Variants in SKIC3 observed in about 807,000 individuals in gnomAD.
SKIC3 encodes superkiller complex protein 3.
the SKIC3 span, among the ~76,000 whole-genome samples, chr5:95,528,417 A>C: frequency 6.6e-6 from 1 of 152,210 alleles, no homozygotes; most frequent in African/African-American, 2.4e-5. Flanking sequence ...AAAAACGACA[A>C]TGGCTATCTA....
At chr5:95,525,706 C>G in the SKIC3 span, 1 of 1,588,718 alleles carries the variant, frequency 6.3e-7, no homozygotes. Flanking sequence ...TGCTATAAAT[C>G]TCCTTCAACA....
chr5:95,540,917 A>G, the SKIC3 span: 1 of 1,291,620 alleles, frequency 7.7e-7, no homozygotes, highest in Non-Finnish European at 1.1e-6. Flanking sequence ...AAACATTTTT[A>G]ATTTGTTAAT....
chr5:95,469,765 G>T, the SKIC3 span: 1 of 1,613,750 alleles, frequency 6.2e-7, no homozygotes, highest in South Asian at 1.1e-5. Context: ...AGAAAAAGAT[G>T]AAGATTCTTC....
At chr5:95,542,070 T>C in the SKIC3 span, among the ~76,000 whole-genome samples, 1 of 152,174 alleles carries the variant, frequency 6.6e-6, no homozygotes, top group Non-Finnish European at 1.5e-5. Context: ...CCTCTAAATA[T>C]AATAGCTGGG....
At chr5:95,467,806 G>A in the SKIC3 span, 2 of 1,604,378 alleles carry the variant, frequency 1.2e-6, no homozygotes, top group Non-Finnish European at 1.7e-6. Context: ...TTAGATCAAA[G>A]ATAAAACATT....
the SKIC3 span, among the ~76,000 whole-genome samples, chr5:95,518,298 ATTTC>A: frequency 6.6e-6 from 1 of 152,024 alleles, no homozygotes; most frequent in Non-Finnish European, 1.5e-5. Context: ...AACATTTATA[ATTTC>A]TTTGTGTTAG....
chr5:95,503,296 G>C, the SKIC3 span, among the ~76,000 whole-genome samples: 1 of 152,180 alleles, frequency 6.6e-6, no homozygotes. Flanking sequence ...TGGGTCAGAA[G>C]CAGAGGCCTG....
chr5:95,516,479 A>G, the SKIC3 span: 983 of 1,612,088 alleles, frequency 6.1e-4, 9 homozygotes, highest in South Asian at 5.5e-3. Context: ...AAAATTAGTA[A>G]TACTAAATTT....
the SKIC3 span, among the ~76,000 whole-genome samples, chr5:95,485,721 G>A: frequency 2.0e-5 from 3 of 152,240 alleles, no homozygotes; most frequent in Non-Finnish European, 4.4e-5. Context: ...AAATTCACTA[G>A]TAAGTGAATT....
At chr5:95,512,246 A>G in the SKIC3 span, among the ~76,000 whole-genome samples, 1 of 152,194 alleles carries the variant, frequency 6.6e-6, no homozygotes, top group Non-Finnish European at 1.5e-5. Flanking sequence ...ACTCTACACT[A>G]TAACAAGGAA....
At chr5:95,554,125 T>G in the SKIC3 span, among the ~76,000 whole-genome samples, 2 of 152,208 alleles carry the variant, frequency 1.3e-5, no homozygotes, top group African/African-American at 2.4e-5. Context: ...ACGCAGCAGA[T>G]GCTCAGTAAA....
the SKIC3 span, chr5:95,467,905 CAGTAGG>C: frequency 1.2e-6 from 2 of 1,613,522 alleles, no homozygotes; most frequent in Non-Finnish European, 8.5e-7. Context: ...ATAAGTGTCT[CAGTAGG>C]TACCAACGTG....
At chr5:95,530,118 T>A in the SKIC3 span, 1 of 1,613,594 alleles carries the variant, frequency 6.2e-7, no homozygotes, top group Non-Finnish European at 8.5e-7. Flanking sequence ...AGCATCTTCA[T>A]ACTTTTTGTC....
chr5:95,486,975 A>T, the SKIC3 span, among the ~76,000 whole-genome samples: 17 of 152,302 alleles, frequency 1.1e-4, no homozygotes, highest in Non-Finnish European at 1.5e-5. Context: ...CAAAGTATTA[A>T]TCCTGGGTGT....
At chr5:95,472,273 C>A in the SKIC3 span, among the ~76,000 whole-genome samples, 104 of 152,274 alleles carry the variant, frequency 6.8e-4, no homozygotes, top group African/African-American at 2.1e-3. Flanking sequence ...TTCCTTCCTC[C>A]CTATAGCACA....
At chr5:95,488,856 C>CA in the SKIC3 span, among the ~76,000 whole-genome samples, 100 of 147,730 alleles carry the variant, frequency 6.8e-4, 1 homozygote, top group East Asian at 2.4e-3. Context: ...AAGAATATAC[C>CA]AAAAAAAAAA....
the SKIC3 span, among the ~76,000 whole-genome samples, chr5:95,473,165 A>G: frequency 1.3e-5 from 2 of 152,126 alleles, no homozygotes; most frequent in African/African-American, 4.8e-5. Flanking sequence ...TTAAGTTGAG[A>G]TATCTACAAA....
chr5:95,503,713 C>T, the SKIC3 span: 3 of 1,547,952 alleles, frequency 1.9e-6, no homozygotes, highest in Admixed American at 3.4e-5. Flanking sequence ...ATAAACATTG[C>T]AACCCCCACC....
At chr5:95,551,564 T>C in the SKIC3 span, among the ~76,000 whole-genome samples, 1 of 152,300 alleles carries the variant, frequency 6.6e-6, no homozygotes, top group South Asian at 2.1e-4. Context: ...AGTACAAACT[T>C]GACTATTTCA....
Sources: gnomAD v4.1 joint callset for allele counts (sites outside exome capture counted in the v4.1 genomes callset) on GRCh38, gnomAD v4.1.1 for gene constraint, MANE v1.5 for transcripts, NCBI Gene and HGNC (gene_info 2026-07-23, HGNC 2026-07-21) for gene names.